Variants in DDAH1 observed in about 807,000 individuals in gnomAD.
DDAH1 encodes the protein dimethylarginine dimethylaminohydrolase 1, also known as N(G),N(G)-dimethylarginine dimethylaminohydrolase 1.
Under a neutral mutation model 28.8 loss-of-function variants are expected in DDAH1, and 19 were observed. That is an observed-to-expected ratio of 0.66 (90% CI 0.46 to 0.97). The LOEUF (loss-of-function observed/expected upper bound fraction) is 0.97. Among genes scored for constraint, DDAH1 ranks in the 50% least tolerant of loss-of-function variants. The probability of loss-of-function intolerance (pLI) is 0.00; values close to 1 mark genes in which losing one functional copy is unlikely to be tolerated. For missense variants in DDAH1, 326 were observed against 375.9 expected, an observed-to-expected ratio of 0.87 and a Z score of 1.10; for synonymous variants, 153 against 154.4, an observed-to-expected ratio of 0.99 and a Z score of 0.07.
chr1:85,496,994 T>A (rs1656617298), intron 1 of DDAH1, among the ~76,000 whole-genome samples: 1 of 152,192 alleles, frequency 6.6e-6, no homozygotes, highest in African/African-American at 2.4e-5. Context: ...ACAGACAATG[T>A]TCACAGTTTG....
rs74098842 is a variant in DDAH1 at position 85,458,414 on chromosome 1, T to G, written c.303+6329A>C. 4.8e-3 allele frequency among the ~76,000 whole-genome samples: 715 copies of G among 147,794 alleles called. 7 individuals carry two copies. The highest frequency in any genetic ancestry group is 0.017 in the African/African-American group (689 of 39,866). On this transcript the variant is annotated intron_variant, in intron 1 of 5. Transcript: ENST00000284031. ...ATGACAAAGTGAACTAGGATGACAT[T>G]ACACACACACTTTTTTTTTTTTTTT...
At chr1:85,348,142 C>T (rs541575854) in intron 4 of DDAH1, among the ~76,000 whole-genome samples, 1 of 152,272 alleles carries the variant, frequency 6.6e-6, no homozygotes, top group African/African-American at 2.4e-5. Flanking sequence ...TTAACACTAA[C>T]TCGAATGAAC....
chr1:85,336,940 C>T (rs1472562428), intron 4 of DDAH1, among the ~76,000 whole-genome samples: 1 of 152,030 alleles, frequency 6.6e-6, no homozygotes, highest in Non-Finnish European at 1.5e-5. Context: ...ACACAAAACT[C>T]CTCAACAAAA....
Position 85,465,138 on chromosome 1 carries a change from C to T in DDAH1, c.-93G>A, listed in dbSNP as rs1407996187. Reference sequence around the variant, plus strand: ...CTGAGCCTGCGAGCGCCCGTCGGCTCCTCTTGGCAGCCGCTGAATGTGGTG... The same window carrying T: ...CTGAGCCTGCGAGCGCCCGTCGGCTTCTCTTGGCAGCCGCTGAATGTGGTG... On this transcript the variant is annotated 5_prime_UTR_variant, in exon 1 of 6. Transcript: ENST00000284031. 1.6e-5 allele frequency: 19 copies of T among 1,165,882 alleles called. No individual in the cohort carries two copies. In the East Asian group the frequency reaches 7.3e-4, roughly 45 times the overall value. The allele number at this position is 1,165,882 out of a possible 1,614,324, so 72.2% of individuals were successfully genotyped here.
intron 2 of DDAH1, among the ~76,000 whole-genome samples, chr1:85,478,149 G>A (rs1366951592): frequency 6.6e-6 from 1 of 152,082 alleles, no homozygotes; most frequent in Admixed American, 6.5e-5. Flanking sequence ...AAATCATTTT[G>A]GAGAGAAATG....
chr1:85,544,369 ATAGT>A (rs1333825206), intron 1 of DDAH1, among the ~76,000 whole-genome samples: 1 of 152,194 alleles, frequency 6.6e-6, no homozygotes, highest in Non-Finnish European at 1.5e-5. Context: ...GTTTTGGGGA[ATAGT>A]TAAAGGCACT....
chr1:85,328,617 T>C (rs186559191), intron 4 of DDAH1, among the ~76,000 whole-genome samples: 1 of 152,344 alleles, frequency 6.6e-6, no homozygotes, highest in African/African-American at 2.4e-5. Flanking sequence ...GAATTGGACC[T>C]AGTTTACCCA....
At chr1:85,345,259 A>G (rs1648771796) in intron 4 of DDAH1, among the ~76,000 whole-genome samples, 1 of 151,956 alleles carries the variant, frequency 6.6e-6, no homozygotes, top group African/African-American at 2.4e-5. Context: ...TCATCTTTTT[A>G]GAGAAGGCAA....
intron 1 of DDAH1, among the ~76,000 whole-genome samples, chr1:85,384,007 T>A (rs1370218178): frequency 6.6e-6 from 1 of 152,316 alleles, no homozygotes; most frequent in East Asian, 1.9e-4. Flanking sequence ...GAACCTGTAC[T>A]ATCTCTGAGG....
intron 4 of DDAH1, among the ~76,000 whole-genome samples, chr1:85,326,631 C>T (rs1216085097): frequency 6.6e-6 from 1 of 152,236 alleles, no homozygotes; most frequent in East Asian, 1.9e-4. Context: ...TTTTCACATT[C>T]ACTTGATACT....
At chr1:85,452,378 A>G (rs1451485815) in intron 1 of DDAH1, among the ~76,000 whole-genome samples, 1 of 152,244 alleles carries the variant, frequency 6.6e-6, no homozygotes, top group Admixed American at 6.5e-5. Context: ...TACACTAAGA[A>G]GTACACTTTA....
In DDAH1 at chr1:85,464,411, A is replaced by C; in HGVS notation, c.303+332T>G. Reference sequence around the variant, plus strand: ...CCCCTCGCGGCCCTCGCTCCCTGGGAAACACTCAGAGTTGCACTGTCGTCG... The same window carrying C: ...CCCCTCGCGGCCCTCGCTCCCTGGGCAACACTCAGAGTTGCACTGTCGTCG... On this transcript the variant is annotated intron_variant, in intron 1 of 5. Transcript: ENST00000284031. The surrounding 1 kb of genome is among the most constrained non-coding windows in gnomAD (Gnocchi z 4.4). 1 of 1,296,748 alleles carries C rather than the reference A, an allele frequency of 7.7e-7. No homozygotes were observed. Among genetic ancestry groups the C allele is most frequent in the Non-Finnish European group, 1.0e-6 (1 of 968,440 alleles). The allele number at this position is 1,296,748 out of a possible 1,614,324, so 80.3% of individuals were successfully genotyped here.
At chr1:85,487,128 T>C (rs557852832) in intron 2 of DDAH1, among the ~76,000 whole-genome samples, 39 of 152,230 alleles carry the variant, frequency 2.6e-4, no homozygotes, top group Non-Finnish European at 5.3e-4. Context: ...CCTCTTCAAA[T>C]GGATGACTGG....
At chr1:85,356,379 A>T (rs997573444) in intron 2 of DDAH1, among the ~76,000 whole-genome samples, 1 of 152,206 alleles carries the variant, frequency 6.6e-6, no homozygotes, top group African/African-American at 2.4e-5. Context: ...GAGGCTTTGA[A>T]TTACAGAGAA....
intron 1 of DDAH1, among the ~76,000 whole-genome samples, chr1:85,551,583 G>A (rs907528348): frequency 6.6e-6 from 1 of 152,132 alleles, no homozygotes; most frequent in African/African-American, 2.4e-5. Flanking sequence ...TCCGTGCTAG[G>A]GCCTATGAGA....
chr1:85,492,369 T>C (rs1329845991), intron 2 of DDAH1, among the ~76,000 whole-genome samples: 2 of 152,156 alleles, frequency 1.3e-5, no homozygotes, highest in African/African-American at 2.4e-5. Context: ...ACTACCCAAA[T>C]TGCAGCATTA....
At chr1:85,548,670 A>G (rs984732206) in intron 1 of DDAH1, among the ~76,000 whole-genome samples, 1 of 152,196 alleles carries the variant, frequency 6.6e-6, no homozygotes. Context: ...GCTCCAAGCC[A>G]GAAATTCTAT....
At chr1:85,353,726 G>GA (rs1266196643) in intron 2 of DDAH1, among the ~76,000 whole-genome samples, 2 of 151,902 alleles carry the variant, frequency 1.3e-5, no homozygotes, top group Admixed American at 1.3e-4. Flanking sequence ...TAACTTTTAA[G>GA]AAAATCTTTT....
chr1:85,539,993 C>G (rs1249228213), intron 1 of DDAH1, among the ~76,000 whole-genome samples: 1 of 151,762 alleles, frequency 6.6e-6, no homozygotes, highest in Non-Finnish European at 1.5e-5. Context: ...AAAATGAAAT[C>G]AATTTTATAA....
Sources: allele counts gnomAD v4.1 joint callset (sites outside exome capture counted in the v4.1 genomes callset), GRCh38; gene constraint gnomAD v4.1.1; non-coding constraint Gnocchi (gnomAD v3.1); transcripts MANE v1.5; gene names NCBI Gene and HGNC (gene_info 2026-07-23, HGNC 2026-07-21).